The following PLCB1 variants were observed in gnomAD, a reference collection of about 807,000 sequenced individuals.
PLCB1 encodes 1-phosphatidylinositol 4,5-bisphosphate phosphodiesterase beta-1.
Under a neutral mutation model 161.8 loss-of-function variants are expected in PLCB1, and 46 were observed. That is an observed-to-expected ratio of 0.28 (90% CI 0.22 to 0.36). The LOEUF (loss-of-function observed/expected upper bound fraction) is 0.36. Ranked by LOEUF, PLCB1 falls within the 10% of genes least tolerant of loss-of-function variation. The probability of loss-of-function intolerance (pLI) is 1.00; values close to 1 mark genes in which losing one functional copy is unlikely to be tolerated. For missense variants in PLCB1, 1,016 were observed against 1,472.5 expected (o/e 0.69, Z 5.07); for synonymous variants, 517 against 503.7 (o/e 1.03, Z -0.35).
chr20:8,762,500 T>C (rs564111074), intron 25 of PLCB1, among the ~76,000 whole-genome samples: 42 of 152,210 alleles, frequency 2.8e-4, no homozygotes, highest in Non-Finnish European at 5.4e-4. Flanking sequence ...TTATTTCTAA[T>C]CGTAGGTTAG....
chr20:8,757,129 C>G lies in PLCB1; in HGVS notation c.2607C>G (p.Thr869=), dbSNP rs1981777108. The G allele has an allele frequency of 1.2e-6, 2 of 1,613,422 alleles. No individual in the cohort carries two copies. Among genetic ancestry groups the G allele is most frequent in the Non-Finnish European group, 1.7e-6 (2 of 1,179,520 alleles). Residue 869 remains threonine (T), a synonymous_variant, in exon 24 of 32, where the codon ACC becomes ACG. Coordinates refer to ENST00000338037, the MANE Select transcript of PLCB1 (RefSeq NM_015192.4). ...PAENGVNHTT[T]LTPKPPSQAL... is the part of the protein sequence containing the mutation. ...AAAATGGGGTGAATCACACTACAACCCTGACACCCAAGCCACCCTCCCAGG... is the reference window on the plus strand; with the variant it reads ...AAAATGGGGTGAATCACACTACAACGCTGACACCCAAGCCACCCTCCCAGG...
chr20:8,662,249 A>G (rs1182195323), intron 9 of PLCB1, among the ~76,000 whole-genome samples: 1 of 120,742 alleles, frequency 8.3e-6, no homozygotes, highest in Non-Finnish European at 1.6e-5. Context: ...ATTATTTATT[A>G]TATAATTCTA....
At position 8,159,754 on chromosome 20, in the gene PLCB1, G is replaced by C. The variant is rs144119287; in HGVS notation, c.177+9383G>C. ...TGCAATCCCAGCACTTTGGGAGGCTGAGTTGGGTGGATCACCTGAGGTTGG... is the reference window on the plus strand; with the variant it reads ...TGCAATCCCAGCACTTTGGGAGGCTCAGTTGGGTGGATCACCTGAGGTTGG... On this transcript the variant is annotated intron_variant, in intron 2 of 31. Coordinates refer to ENST00000338037, the MANE Select transcript of PLCB1 (RefSeq NM_015192.4). 5.9e-3 allele frequency among the ~76,000 whole-genome samples: 903 copies of C among 152,100 alleles called. 7 individuals carry two copies. The highest frequency in any genetic ancestry group is 0.02 in the African/African-American group (848 of 41,504).
intron 31 of PLCB1, among the ~76,000 whole-genome samples, chr20:8,865,990 T>A (rs1167302922): frequency 2.6e-5 from 4 of 152,134 alleles, no homozygotes; most frequent in African/African-American, 4.8e-5. Flanking sequence ...AAAGATAAAA[T>A]CAGTAAAGTG....
intron 2 of PLCB1, among the ~76,000 whole-genome samples, chr20:8,290,644 A>T (rs2075515941): frequency 2.6e-5 from 4 of 152,192 alleles, no homozygotes; most frequent in Admixed American, 2.6e-4. Flanking sequence ...CTACCTGGGA[A>T]TAATAAATGG....
chr20:8,752,203 T>G (rs1981515623), intron 23 of PLCB1: 1 of 152,262 alleles, frequency 6.6e-6, no homozygotes, highest in Non-Finnish European at 1.5e-5. Flanking sequence ...CTTAAGCTGC[T>G]GTTATCATAG....
intron 2 of PLCB1, among the ~76,000 whole-genome samples, chr20:8,224,125 G>A (rs957638955): frequency 6.6e-6 from 1 of 152,158 alleles, no homozygotes; most frequent in Non-Finnish European, 1.5e-5. Context: ...TTGGGTGCTT[G>A]TTTTGGAAAT....
intron 12 of PLCB1, among the ~76,000 whole-genome samples, chr20:8,710,205 C>CA (rs1978921651): frequency 6.6e-6 from 1 of 152,046 alleles, no homozygotes; most frequent in Admixed American, 6.5e-5. Context: ...CACGGGAAGA[C>CA]AGAGTGGGAG....
At chr20:8,772,488 G>A (rs569370491) in intron 26 of PLCB1, among the ~76,000 whole-genome samples, 1 of 152,286 alleles carries the variant, frequency 6.6e-6, no homozygotes, top group South Asian at 2.1e-4. Context: ...TTCCTCAAAT[G>A]TAAGCTGGTG....
At chr20:8,630,012 CT>C (rs1568536418) in intron 4 of PLCB1, among the ~76,000 whole-genome samples, 10 of 79,382 alleles carry the variant, frequency 1.3e-4, no homozygotes, top group Admixed American at 3.1e-4. Context: ...CTTTCTTTCT[CT>C]TTCTTCTTTC....
intron 23 of PLCB1, among the ~76,000 whole-genome samples, chr20:8,752,985 A>G (rs2123553445): frequency 1.5e-5 from 1 of 68,660 alleles, no homozygotes; most frequent in East Asian, 3.9e-4. Flanking sequence ...CCATCACTCA[A>G]ATTACTCCCT....
intron 31 of PLCB1, among the ~76,000 whole-genome samples, chr20:8,874,458 A>C (rs1987711504): frequency 6.6e-6 from 1 of 151,994 alleles, no homozygotes. Context: ...AAAGAACTTC[A>C]AAAAAGTCTC....
At chr20:8,523,465 G>GCTCTTTCTCTCTCTCT (rs1984434299) in intron 3 of PLCB1, among the ~76,000 whole-genome samples, 1 of 48,796 alleles carries the variant, frequency 2.0e-5, no homozygotes. Flanking sequence ...TATATATTTG[G>GCTCTTTCTCTCTCTCT]CTCTCTCTCT....
In PLCB1 at chr20:8,470,172, A is replaced by C. The variant is rs528581618; in HGVS notation, c.246+98722A>C. 5.9e-5 allele frequency among the ~76,000 whole-genome samples: 9 copies of C among 152,288 alleles called. No individual in the cohort carries two copies. In the South Asian group the frequency reaches 1.9e-3, roughly 32 times the overall value. On this transcript the variant is annotated intron_variant, in intron 3 of 31. Coordinates refer to ENST00000338037, the MANE Select transcript of PLCB1 (RefSeq NM_015192.4). ...TATGCCACATTTTATCTACCCATTC[A>C]TCAGTTGATGGACATTTCAGCCACT...
intron 2 of PLCB1, among the ~76,000 whole-genome samples, chr20:8,303,652 C>T (rs1009952476): frequency 2.6e-5 from 4 of 152,226 alleles, no homozygotes; most frequent in Non-Finnish European, 5.9e-5. Context: ...ATGTCCAGTC[C>T]GAGTGACACT....
At chr20:8,761,431 G>T (rs1982021139) in intron 25 of PLCB1, among the ~76,000 whole-genome samples, 1 of 152,210 alleles carries the variant, frequency 6.6e-6, no homozygotes, top group Admixed American at 6.5e-5. Flanking sequence ...GCACTTTGAT[G>T]CGTATATTTG....
At chr20:8,696,862 T>C (rs1041183280) in intron 10 of PLCB1, among the ~76,000 whole-genome samples, 62 of 152,070 alleles carry the variant, frequency 4.1e-4, no homozygotes, top group African/African-American at 1.1e-3. Context: ...GCCTCCTGAG[T>C]AGCTGGGACT....
chr20:8,343,011 G>A (rs1256580795), intron 2 of PLCB1, among the ~76,000 whole-genome samples: 1 of 152,148 alleles, frequency 6.6e-6, no homozygotes, highest in Non-Finnish European at 1.5e-5. Context: ...AGTATTTGAG[G>A]GAGAAGCTGT....
intron 31 of PLCB1, among the ~76,000 whole-genome samples, chr20:8,845,864 C>T (rs551370968): frequency 1.2e-4 from 19 of 152,270 alleles, no homozygotes; most frequent in African/African-American, 4.6e-4. Context: ...ATACAATACG[C>T]ATTAAGTACG....
Sources: gnomAD v4.1 joint callset for allele counts (sites outside exome capture counted in the v4.1 genomes callset) on GRCh38, gnomAD v4.1.1 for gene constraint, MANE v1.5 for transcripts, NCBI Gene and HGNC (gene_info 2026-07-23, HGNC 2026-07-21) for gene names.